Variants in HAPSTR1 observed in about 807,000 individuals in gnomAD.
The protein encoded by HAPSTR1 is HUWE1-associated protein modifying stress responses 1.
the HAPSTR1 span, chr16:9,092,267 A>G: frequency 1.3e-6 from 2 of 1,545,860 alleles, no homozygotes; most frequent in Non-Finnish European, 1.7e-6. Context: ...CCAGCTCTAC[A>G]AAGGTGAGGC....
chr16:9,098,169 C>T, the HAPSTR1 span, among the ~76,000 whole-genome samples: 9 of 152,140 alleles, frequency 5.9e-5, no homozygotes, highest in African/African-American at 2.2e-4. Flanking sequence ...CGTATCTCTA[C>T]TAAAAATAAA....
the HAPSTR1 span, among the ~76,000 whole-genome samples, chr16:9,096,331 T>C: frequency 6.6e-6 from 1 of 152,220 alleles, no homozygotes; most frequent in Non-Finnish European, 1.5e-5. Context: ...AATAGTTTAT[T>C]TTCTGTCTTT....
At chr16:9,107,194 C>A in the HAPSTR1 span, 4 of 152,250 alleles carry the variant, frequency 2.6e-5, no homozygotes, top group African/African-American at 9.6e-5. Flanking sequence ...TGGACTCATT[C>A]TTCTGCCCCA....
At chr16:9,095,911 A>G in the HAPSTR1 span, among the ~76,000 whole-genome samples, 2 of 152,288 alleles carry the variant, frequency 1.3e-5, no homozygotes, top group African/African-American at 4.8e-5. Flanking sequence ...GATAAATGCA[A>G]AGAGGATGGT....
the HAPSTR1 span, chr16:9,107,630 G>A: frequency 6.6e-6 from 1 of 152,266 alleles, no homozygotes; most frequent in East Asian, 1.9e-4. Flanking sequence ...AGACCCTTAT[G>A]ATCCAGTCTT....
chr16:9,097,175 G>A, the HAPSTR1 span, among the ~76,000 whole-genome samples: 1 of 151,884 alleles, frequency 6.6e-6, no homozygotes, highest in East Asian at 1.9e-4. Flanking sequence ...CCTGACCTCA[G>A]GTGATCCGCC....
At chr16:9,094,901 C>T in the HAPSTR1 span, among the ~76,000 whole-genome samples, 3 of 152,188 alleles carry the variant, frequency 2.0e-5, no homozygotes, top group East Asian at 5.8e-4. Flanking sequence ...TTAGGACTAA[C>T]CTAGCAGTTT....
chr16:9,114,761 G>A, the HAPSTR1 span, among the ~76,000 whole-genome samples: 1 of 152,142 alleles, frequency 6.6e-6, no homozygotes, highest in East Asian at 1.9e-4. Flanking sequence ...ATTACACTTG[G>A]GTGGGAGTGC....
chr16:9,108,947 G>T, the HAPSTR1 span: 1 of 152,052 alleles, frequency 6.6e-6, no homozygotes, highest in South Asian at 2.1e-4. Context: ...AGGTCCGGTG[G>T]GTACCCTCAT....
the HAPSTR1 span, chr16:9,118,323 AGTGT>A: frequency 6.6e-6 from 1 of 152,628 alleles, no homozygotes; most frequent in Non-Finnish European, 1.5e-5. Flanking sequence ...ATTGCAAATC[AGTGT>A]AAGGGTTTTT....
the HAPSTR1 span, among the ~76,000 whole-genome samples, chr16:9,114,342 G>A: frequency 2.0e-5 from 3 of 152,212 alleles, no homozygotes; most frequent in Middle Eastern, 3.4e-3. Flanking sequence ...CCACCAAGGC[G>A]ACTGAGGAGT....
chr16:9,101,807 C>G, the HAPSTR1 span, among the ~76,000 whole-genome samples: 2 of 150,692 alleles, frequency 1.3e-5, no homozygotes, highest in Admixed American at 1.3e-4. Context: ...CTTTGAGAGT[C>G]TGCTGTAGAT....
At chr16:9,111,660 G>A in the HAPSTR1 span, 3 of 152,068 alleles carry the variant, frequency 2.0e-5, no homozygotes, top group African/African-American at 7.2e-5. Flanking sequence ...ATGCCTCAAA[G>A]CCAGGTTACT....
chr16:9,098,346 A>C, the HAPSTR1 span, among the ~76,000 whole-genome samples: 1 of 152,114 alleles, frequency 6.6e-6, no homozygotes, highest in East Asian at 1.9e-4. Flanking sequence ...ACACACACAA[A>C]ATATTATCCC....
At chr16:9,093,181 C>T in the HAPSTR1 span, among the ~76,000 whole-genome samples, 1 of 152,144 alleles carries the variant, frequency 6.6e-6, no homozygotes, top group Non-Finnish European at 1.5e-5. Context: ...TGACACCTCC[C>T]TCCGCCCCCC....
At chr16:9,104,136 C>T in the HAPSTR1 span, 5 of 140,494 alleles carry the variant, frequency 3.6e-5, no homozygotes, top group South Asian at 2.2e-4. Context: ...TTTTTGGAGA[C>T]GGAGTTTCGC....
chr16:9,106,704 C>T, the HAPSTR1 span: 1 of 152,024 alleles, frequency 6.6e-6, no homozygotes. Flanking sequence ...TCCTATGGGA[C>T]CTAGTCATCT....
At chr16:9,094,023 A>C in the HAPSTR1 span, among the ~76,000 whole-genome samples, 1 of 152,150 alleles carries the variant, frequency 6.6e-6, no homozygotes, top group Admixed American at 6.6e-5. Context: ...TATAGGTTGA[A>C]ACGGGCTATG....
the HAPSTR1 span, chr16:9,111,048 A>C: frequency 1.3e-5 from 1 of 79,052 alleles, no homozygotes; most frequent in African/African-American, 1.1e-4. Context: ...CAAAAAACAA[A>C]ACAAAAACCT....
Sources: allele counts gnomAD v4.1 joint callset (sites outside exome capture counted in the v4.1 genomes callset), GRCh38; gene constraint gnomAD v4.1.1; transcripts MANE v1.5; gene names NCBI Gene and HGNC (gene_info 2026-07-23, HGNC 2026-07-21).